Variants in LHFPL2 observed in about 807,000 individuals in gnomAD.
The protein encoded by LHFPL2 is LHFPL tetraspan subfamily member 2 protein.
A neutral mutation model predicts 17.5 loss-of-function variants in LHFPL2; 7 were observed. The ratio of observed to expected loss-of-function variants is 0.40; its 90% CI spans 0.23 to 0.75. The LOEUF is 0.75. Among genes scored for constraint, LHFPL2 ranks in the 30% least tolerant of loss-of-function variants. The pLI, the probability that LHFPL2 is intolerant of heterozygous loss-of-function variation, is 0.37. For synonymous variants in LHFPL2, 134 were observed against 116.2 expected (o/e 1.15, Z -0.99); for missense variants, 241 against 294.8 (o/e 0.82, Z 1.34).
chr5:78,646,249 C>G (rs1474650794), intron 1 of LHFPL2, among the ~76,000 whole-genome samples: 3 of 152,172 alleles, frequency 2.0e-5, no homozygotes, highest in Non-Finnish European at 4.4e-5. Context: ...CCAGAAAGAT[C>G]AGTGTTTTTG....
At chr5:78,535,775 G>C (rs1344646311) in intron 3 of LHFPL2, among the ~76,000 whole-genome samples, 3 of 152,166 alleles carry the variant, frequency 2.0e-5, no homozygotes, top group African/African-American at 7.2e-5. Context: ...GAACACCTTG[G>C]GGAAGGGCAG....
At chr5:78,492,262 G>A (rs533378817) in intron 4 of LHFPL2, among the ~76,000 whole-genome samples, 1 of 152,220 alleles carries the variant, frequency 6.6e-6, no homozygotes, top group African/African-American at 2.4e-5. Context: ...CCCTTTAAAA[G>A]ACCAAAGTGT....
intron 3 of LHFPL2, among the ~76,000 whole-genome samples, chr5:78,513,983 G>A (rs1258357573): frequency 1.3e-5 from 2 of 152,212 alleles, no homozygotes; most frequent in Non-Finnish European, 2.9e-5. Context: ...CTTCTGCAGT[G>A]GTTTGTGCTC....
chr5:78,496,722 C>T (rs569242353), intron 4 of LHFPL2, among the ~76,000 whole-genome samples: 21 of 152,156 alleles, frequency 1.4e-4, no homozygotes, highest in African/African-American at 4.6e-4. Flanking sequence ...AAGGAAAACT[C>T]TGACAGGACA....
intron 3 of LHFPL2, among the ~76,000 whole-genome samples, chr5:78,552,385 G>A (rs958050004): frequency 1.3e-5 from 2 of 152,098 alleles, no homozygotes; most frequent in African/African-American, 2.4e-5. Flanking sequence ...CACCTGCCTC[G>A]GCCTCCCAAA....
At chr5:78,496,089 A>T (rs951229463) in intron 4 of LHFPL2, among the ~76,000 whole-genome samples, 2 of 152,152 alleles carry the variant, frequency 1.3e-5, no homozygotes. Context: ...TCCAACGTAC[A>T]TCCCTCTTGA....
At chr5:78,504,509 AG>A (rs1323367127) in intron 4 of LHFPL2, among the ~76,000 whole-genome samples, 1 of 152,178 alleles carries the variant, frequency 6.6e-6, no homozygotes, top group Non-Finnish European at 1.5e-5. Context: ...TTGATGCTTA[AG>A]GTGATTTTTT....
intron 1 of LHFPL2, among the ~76,000 whole-genome samples, chr5:78,633,155 G>C (rs1469447553): frequency 2.0e-5 from 3 of 152,158 alleles, no homozygotes; most frequent in Non-Finnish European, 4.4e-5. Context: ...CTGGAAGGAG[G>C]CAACGACACC....
chr5:78,495,587 C>T (rs1754579826), intron 4 of LHFPL2, among the ~76,000 whole-genome samples: 1 of 152,200 alleles, frequency 6.6e-6, no homozygotes, highest in Non-Finnish European at 1.5e-5. Context: ...AAGAAGGTCA[C>T]CTGTTACCAC....
intron 2 of LHFPL2, among the ~76,000 whole-genome samples, chr5:78,574,368 C>A (rs1429008970): frequency 6.6e-6 from 1 of 152,222 alleles, no homozygotes; most frequent in Non-Finnish European, 1.5e-5. Context: ...CCCTCTAACC[C>A]TTCCCTGTGA....
At chr5:78,512,175 C>A (rs1755149864) in intron 3 of LHFPL2, among the ~76,000 whole-genome samples, 1 of 151,982 alleles carries the variant, frequency 6.6e-6, no homozygotes, top group Admixed American at 6.5e-5. Context: ...CTGAGGTGCC[C>A]AGCAGATTAC....
intron 3 of LHFPL2, among the ~76,000 whole-genome samples, chr5:78,532,956 C>G (rs1161338323): frequency 6.6e-6 from 1 of 152,180 alleles, no homozygotes; most frequent in Non-Finnish European, 1.5e-5. Context: ...GAGTGAGGCC[C>G]GTGGTGCCAA....
rs146747150 is a variant in LHFPL2, at chr5:78,585,299, G to A, written c.-244-20428C>T. ...TGGGATTACAGGCGTGAGCCACCGC[G>A]CCCGGCCTGGTGCGCTGTTTTTTAA... is the stretch of plus-strand genomic sequence containing the variant. On this transcript the variant is annotated intron_variant, in intron 2 of 4. Coordinates refer to ENST00000380345, the MANE Select transcript of LHFPL2 (RefSeq NM_005779.3). 7.6e-5 allele frequency among the ~76,000 whole-genome samples: 5 copies of A among 66,176 alleles called. 1 individual carries two copies. The highest frequency in any genetic ancestry group is 2.7e-4 in the Admixed American group (2 of 7,482). The allele number at this position is 66,176 out of a possible 152,430, so 43.4% of individuals were successfully genotyped here.
chr5:78,495,937 CAG>C (rs968729250), intron 4 of LHFPL2, among the ~76,000 whole-genome samples: 2 of 152,158 alleles, frequency 1.3e-5, no homozygotes, highest in African/African-American at 2.4e-5. Flanking sequence ...ATTCCTCGAA[CAG>C]GGGCCTGTTA....
intron 3 of LHFPL2, among the ~76,000 whole-genome samples, chr5:78,555,570 G>C (rs917007374): frequency 3.3e-5 from 5 of 152,186 alleles, no homozygotes; most frequent in Admixed American, 1.3e-4. Flanking sequence ...TGGGGTAAAA[G>C]GTCTTTCTAC....
chr5:78,574,216 G>A (rs921555452), intron 2 of LHFPL2, among the ~76,000 whole-genome samples: 19 of 152,222 alleles, frequency 1.2e-4, no homozygotes, highest in Admixed American at 1.2e-3. Flanking sequence ...ATACTGGTCC[G>A]TGGGGAGTAT....
intron 1 of LHFPL2, among the ~76,000 whole-genome samples, chr5:78,637,147 C>T (rs1055464905): frequency 2.0e-5 from 3 of 152,146 alleles, no homozygotes; most frequent in East Asian, 1.9e-4. Flanking sequence ...GCCAAAACCC[C>T]GGGTAGGGTC....
intron 2 of LHFPL2, among the ~76,000 whole-genome samples, chr5:78,619,586 G>A (rs543517884): frequency 7.0e-6 from 1 of 143,648 alleles, no homozygotes; most frequent in African/African-American, 2.5e-5. Flanking sequence ...GTGCCATGCT[G>A]GTGTGCTGCA....
chr5:78,508,100 GGA>G (rs950903925), intron 4 of LHFPL2, among the ~76,000 whole-genome samples: 1 of 151,956 alleles, frequency 6.6e-6, no homozygotes, highest in African/African-American at 2.4e-5. Flanking sequence ...AAGCTGAAGG[GGA>G]GAGTCATCTT....
Sources: gnomAD v4.1 joint callset for allele counts (sites outside exome capture counted in the v4.1 genomes callset) on GRCh38, gnomAD v4.1.1 for gene constraint, MANE v1.5 for transcripts, NCBI Gene and HGNC (gene_info 2026-07-23, HGNC 2026-07-21) for gene names.